ABCA5: variants seen among roughly 807,000 people sequenced by gnomAD.
ABCA5 encodes cholesterol transporter ABCA5.
In ABCA5, 163 loss-of-function variants were observed where a neutral mutation model predicts 206.0. That is an observed-to-expected ratio of 0.79 (90% CI 0.70 to 0.90). The LOEUF (loss-of-function observed/expected upper bound fraction) is 0.90. ABCA5 is among the 40% of genes least tolerant of loss of function. ABCA5 has a pLI of 0.00. For synonymous variants in ABCA5, 609 were observed against 613.8 expected (o/e 0.99, Z 0.11); for missense variants, 1,859 against 1,912.9 (o/e 0.97, Z 0.53).
Position 69,287,578 on chromosome 17 carries a change from G to C in ABCA5, c.2041+35C>G, listed in dbSNP as rs141167960. On this transcript the variant is annotated intron_variant, in intron 15 of 38. Transcript: ENST00000392676. ...TATATCCATCTTCCTTTTGGCCCAT[G>C]ATCTCAGCCTTCGAAAATAAAACAA... The C allele has an allele frequency of 3.7e-4, 581 of 1,591,342 alleles. 5 individuals are homozygous for C. In the East Asian group the frequency reaches 9.9e-3, roughly 27 times the overall value.
At chr17:69,275,501 G>T (rs536841845) in intron 19 of ABCA5, among the ~76,000 whole-genome samples, 1 of 152,066 alleles carries the variant, frequency 6.6e-6, no homozygotes, top group Non-Finnish European at 1.5e-5. Flanking sequence ...ATATGGCATT[G>T]ATCAAGTTCC....
rs112268026 is a variant in ABCA5 at position 69,313,012 on chromosome 17, T to C, written c.307+80A>G. ...ACACATCTCTAAGTGTTAAGACTGC[T>C]ATTCATTCAATAAAGCAAGCTGATA... On this transcript the variant is annotated intron_variant, in intron 3 of 38. Transcript: ENST00000392676. The C allele has an allele frequency of 3.8e-3, 3,409 of 892,822 alleles. 81 individuals carry two copies. The African/African-American group carries it at 0.054, about 14-fold the overall frequency. The allele number at this position is 892,822 out of a possible 1,614,324, so 55.3% of individuals were successfully genotyped here.
At chr17:69,297,152 G>A in intron 10 of ABCA5, 39 bp downstream of exon 10, 1 of 1,563,262 alleles carries the variant, frequency 6.4e-7, no homozygotes, top group Non-Finnish European at 8.7e-7. Context: ...TGTTTCATCA[G>A]CAGTTCTTAT....
intron 23 of ABCA5, among the ~76,000 whole-genome samples, chr17:69,267,675 T>C (rs1376482321): frequency 6.6e-6 from 1 of 152,202 alleles, no homozygotes; most frequent in Non-Finnish European, 1.5e-5. Context: ...CCATCTTTGA[T>C]TTCCTGATCT....
intron 19 of ABCA5, among the ~76,000 whole-genome samples, chr17:69,276,630 A>G (rs1232947871): frequency 6.6e-6 from 1 of 152,100 alleles, no homozygotes; most frequent in Non-Finnish European, 1.5e-5. Context: ...CAAGGAGGGG[A>G]ACATCACACA....
intron 36 of ABCA5, 53 bp from the exon 37 acceptor site, chr17:69,250,037 T>C: frequency 1.8e-6 from 2 of 1,142,450 alleles, no homozygotes; most frequent in South Asian, 4.1e-5. Flanking sequence ...ACTATTATGT[T>C]CTAAAGCTAA....
chr17:69,298,020 G>A (rs532019681), intron 9 of ABCA5, among the ~76,000 whole-genome samples: 1 of 151,812 alleles, frequency 6.6e-6, no homozygotes, highest in African/African-American at 2.4e-5. Context: ...CCTTGTCTCT[G>A]CAAAAAATAC....
chr17:69,282,807 CT>C (rs1040888002), intron 18 of ABCA5, among the ~76,000 whole-genome samples: 2 of 150,782 alleles, frequency 1.3e-5, no homozygotes, highest in African/African-American at 4.9e-5. Context: ...GCCTGCATTC[CT>C]TCTTTCCACA....
chr17:69,255,342 G>C (rs1340972326), intron 31 of ABCA5, among the ~76,000 whole-genome samples: 2 of 152,142 alleles, frequency 1.3e-5, no homozygotes, highest in African/African-American at 4.8e-5. Context: ...ATATGCGTGT[G>C]TCTACATGTG....
At chr17:69,284,500 GAAT>G (rs1225299393) in intron 17 of ABCA5, among the ~76,000 whole-genome samples, 4 of 151,642 alleles carry the variant, frequency 2.6e-5, no homozygotes, top group African/African-American at 7.3e-5. Flanking sequence ...TTACTATATT[GAAT>G]AATAAAATAA....
intron 12 of ABCA5, among the ~76,000 whole-genome samples, chr17:69,290,791 G>A (rs1339178845): frequency 6.6e-6 from 1 of 151,734 alleles, no homozygotes; most frequent in African/African-American, 2.4e-5. Context: ...ATACTTTTGA[G>A]GTATGCCTTT....
In ABCA5 at chr17:69,264,775, TG is replaced by T; in HGVS notation, c.3274del (p.His1092IlefsTer9). ...TACAGTATAAAAATATAATCCATAA[TG>T]AAATGCCAATAAGCTTCCTAGCATC... ...ILMLGSLLAF[H>X]YGLYFYTVKF... is the part of the protein sequence containing the mutation. On this transcript the variant is annotated frameshift_variant, in exon 24 of 39. Transcript: ENST00000392676. LOFTEE classifies it high-confidence loss of function. 6.3e-7 allele frequency: 1 copy of T among 1,589,480 alleles called. No homozygotes were observed. Among genetic ancestry groups the T allele is most frequent in the Non-Finnish European group, 8.6e-7 (1 of 1,169,538 alleles).
rs975244070 is a variant in ABCA5 at position 69,269,757 on chromosome 17, C to G, written c.3030+856G>C. Among the ~76,000 whole-genome samples the G allele has an allele frequency of 2.6e-5, 4 of 152,068 alleles. No individual in the cohort carries two copies. The East Asian group carries it at 5.8e-4, about 22-fold the overall frequency. On this transcript the variant is annotated intron_variant, in intron 22 of 38. Coordinates refer to ENST00000392676, the MANE Select transcript of ABCA5 (RefSeq NM_172232.4). ...AGTAAAAATAAATGAAGCACTGATA[C>G]GTGTTACAAAACAGATGAATCTTCA...
chr17:69,304,664 C>G lies in ABCA5; in HGVS notation c.930+5G>C. The G allele has an allele frequency of 6.4e-7, 1 of 1,563,414 alleles. No homozygotes were observed. The highest frequency in any genetic ancestry group is 8.6e-7 in the Non-Finnish European group (1 of 1,157,056). On this transcript the variant is annotated splice_donor_5th_base_variant and intron_variant, in intron 7 of 38. Coordinates refer to ENST00000392676, the MANE Select transcript of ABCA5 (RefSeq NM_172232.4). ...TTTATTCCTATCACAAGTTAAAATA[C>G]TTACAGATGATAATCCATAAAGGAA... is the stretch of plus-strand genomic sequence containing the variant.
intron 10 of ABCA5, 108 bp downstream of exon 10, chr17:69,297,083 C>A: frequency 9.6e-7 from 1 of 1,038,104 alleles, no homozygotes; most frequent in East Asian, 2.8e-5. Context: ...AAAATCATGG[C>A]ATATGTACCA....
At chr17:69,325,345 C>G (rs2075890754) in intron 1 of ABCA5, among the ~76,000 whole-genome samples, 1 of 151,262 alleles carries the variant, frequency 6.6e-6, no homozygotes, top group Non-Finnish European at 1.5e-5. Context: ...TATAATTTAA[C>G]CTAAATTTTA....
intron 1 of ABCA5, chr17:69,314,891 A>G (rs565669985): frequency 6.5e-6 from 1 of 153,276 alleles, no homozygotes; most frequent in African/African-American, 2.4e-5. Flanking sequence ...AGTGCAGCCA[A>G]CACTCTGAGG....
chr17:69,252,229 T>C (rs1049972526), intron 34 of ABCA5, among the ~76,000 whole-genome samples: 4 of 152,026 alleles, frequency 2.6e-5, no homozygotes, highest in Non-Finnish European at 5.9e-5. Context: ...TTAGCCAGGA[T>C]GGTCTCGATC....
intron 19 of ABCA5, among the ~76,000 whole-genome samples, chr17:69,275,216 A>C (rs911756064): frequency 1.3e-5 from 2 of 152,176 alleles, no homozygotes; most frequent in African/African-American, 2.4e-5. Context: ...TTAAACTCTG[A>C]ATGGCTGATA....
Sources: gnomAD v4.1 joint callset for allele counts (sites outside exome capture counted in the v4.1 genomes callset) on GRCh38, gnomAD v4.1.1 for gene constraint, MANE v1.5 for transcripts, NCBI Gene and HGNC (gene_info 2026-07-23, HGNC 2026-07-21) for gene names.